CLPTM1L: variants seen among roughly 807,000 people sequenced by gnomAD.
CLPTM1L encodes the protein CLPTM1 like, also known as lipid scramblase CLPTM1L.
In CLPTM1L, 38 loss-of-function variants were observed where a neutral mutation model predicts 70.9. The observed-to-expected ratio is 0.54, with a 90% CI of 0.41 to 0.70. The LOEUF is 0.70. CLPTM1L is among the 30% of genes least tolerant of loss of function. The probability of loss-of-function intolerance (pLI) is 0.00; values close to 1 mark genes in which losing one functional copy is unlikely to be tolerated. For missense variants in CLPTM1L, 652 were observed against 705.9 expected, an observed-to-expected ratio of 0.92 and a Z score of 0.87; for synonymous variants, 339 against 299.9, an observed-to-expected ratio of 1.13 and a Z score of -1.35.
intron 9 of CLPTM1L, among the ~76,000 whole-genome samples, chr5:1,327,665 T>G (rs377499894): frequency 1.1e-5 from 1 of 95,042 alleles, no homozygotes; most frequent in Non-Finnish European, 2.2e-5. Context: ...CAGACACATT[T>G]CATCCAGCTC....
At chr5:1,332,177 T>C (rs1753138846) in intron 7 of CLPTM1L, 1 of 385,952 alleles carries the variant, frequency 2.6e-6, no homozygotes, top group Non-Finnish European at 4.8e-6. Context: ...CCCTGGATCA[T>C]GGGCCTGGCT....
rs961481027 is a variant in CLPTM1L, at chr5:1,322,790, T to C, written c.1315+87A>G. On this transcript the variant is annotated intron_variant, in intron 13 of 16. Transcript: ENST00000320895. ...GATTAGCCTCAAATCACAGGGGGGC[T>C]TGCCACACTGGGTTTCAATGCAAGA... 7 of 1,385,404 alleles carry C rather than the reference T, an allele frequency of 5.1e-6. 1 individual carries two copies. Among genetic ancestry groups the C allele is most frequent in the Admixed American group, 5.0e-5 (3 of 59,628 alleles). 85.8% of individuals were successfully genotyped at this position (1,385,404 alleles called of 1,614,324 possible). A position where few individuals can be genotyped will look rare whatever the true frequency, so the allele number is the denominator to read the frequency against.
intron 5 of CLPTM1L, among the ~76,000 whole-genome samples, chr5:1,335,773 C>T (rs1340404137): frequency 6.6e-6 from 1 of 152,202 alleles, no homozygotes; most frequent in Non-Finnish European, 1.5e-5. Context: ...CGCACACAGG[C>T]TGTGGGCCAG....
At chr5:1,339,327 C>G (rs569333904) in intron 3 of CLPTM1L, among the ~76,000 whole-genome samples, 149 of 144,138 alleles carry the variant, frequency 1.0e-3, no homozygotes, top group Non-Finnish European at 1.8e-3. Context: ...ACAGCAGGGT[C>G]AGCGCCCTAA....
intron 9 of CLPTM1L, among the ~76,000 whole-genome samples, chr5:1,328,861 C>T (rs1417720825): frequency 1.3e-5 from 2 of 151,964 alleles, no homozygotes; most frequent in South Asian, 2.1e-4. Flanking sequence ...ACATTTCATC[C>T]AGCTCCTCCT....
intron 5 of CLPTM1L, among the ~76,000 whole-genome samples, chr5:1,336,088 C>T (rs1753559919): frequency 6.6e-6 from 1 of 152,230 alleles, no homozygotes; most frequent in African/African-American, 2.4e-5. Flanking sequence ...CTGAGAGCGG[C>T]TGTCAGGGCG....
chr5:1,337,397 C>G (rs1579649878), intron 5 of CLPTM1L, among the ~76,000 whole-genome samples: 2 of 152,260 alleles, frequency 1.3e-5, no homozygotes, highest in Non-Finnish European at 2.9e-5. Flanking sequence ...CAGAGAGCAG[C>G]CACTTCTATT....
chr5:1,342,164 C>T lies in CLPTM1L; in HGVS notation c.264-304G>A, dbSNP rs1012556896. On this transcript the variant is annotated intron_variant, in intron 2 of 16. Transcript: ENST00000320895. This position sits in a 1 kb window ranked among gnomAD's most constrained non-coding sequence, Gnocchi z 4.3. ...TGAGAGGTCAATAACCCACCTGAGG[C>T]CACAAGGCTGAAGCAGCCAGATGGA... Among the ~76,000 whole-genome samples the T allele has an allele frequency of 6.6e-6, 1 of 152,116 alleles. No homozygotes were observed.
At chr5:1,319,828 G>A (rs1384486064) in intron 16 of CLPTM1L, among the ~76,000 whole-genome samples, 2 of 152,188 alleles carry the variant, frequency 1.3e-5, no homozygotes, top group Non-Finnish European at 2.9e-5. Context: ...CCTGGACAAG[G>A]CCCTGGGGCC....
chr5:1,335,022 G>T, intron 6 of CLPTM1L, 35 bp downstream of exon 6: 8 of 1,561,850 alleles, frequency 5.1e-6, no homozygotes, highest in South Asian at 1.1e-5. Flanking sequence ...CTCCAGGGCG[G>T]CCTCACCCAG....
At chr5:1,340,013 G>C (rs1007367700) in intron 3 of CLPTM1L, among the ~76,000 whole-genome samples, 6 of 152,218 alleles carry the variant, frequency 3.9e-5, no homozygotes, top group African/African-American at 1.4e-4. Flanking sequence ...CACAACCGGG[G>C]GAGAGCCCAG....
At chr5:1,324,609 G>A (rs1752399435) in intron 11 of CLPTM1L, among the ~76,000 whole-genome samples, 154 bp downstream of exon 11, 1 of 152,240 alleles carries the variant, frequency 6.6e-6, no homozygotes, top group South Asian at 2.1e-4. Context: ...TAAGAAATTT[G>A]GGTTTTATGT....
At chr5:1,337,190 C>T (rs1443738039) in intron 5 of CLPTM1L, among the ~76,000 whole-genome samples, 2 of 152,232 alleles carry the variant, frequency 1.3e-5, no homozygotes, top group Non-Finnish European at 2.9e-5. Flanking sequence ...AACAACGCCA[C>T]AGCTCCCAGC....
intron 13 of CLPTM1L, among the ~76,000 whole-genome samples, 184 bp from the exon 14 acceptor site, chr5:1,322,003 A>G (rs2126719986): frequency 6.6e-6 from 1 of 152,312 alleles, no homozygotes; most frequent in East Asian, 1.9e-4. Flanking sequence ...TCTGGCTGGT[A>G]AGTTTATCAA....
At chr5:1,338,432 G>T in intron 4 of CLPTM1L, 1 of 270,378 alleles carries the variant, frequency 3.7e-6, no homozygotes, top group Non-Finnish European at 7.1e-6. Context: ...CCAACACATG[G>T]GAGAGACGAG....
rs1579625577 is a variant in CLPTM1L, at chr5:1,326,022, G to A, written c.1081-206C>T. ...CACACACGGCAGGCGTACCTGGTCA[G>A]GTGGGCTGCACAGCCACCGCCCAGC... is the stretch of plus-strand genomic sequence containing the variant. On this transcript the variant is annotated intron_variant, in intron 9 of 16. Coordinates refer to ENST00000320895, the MANE Select transcript of CLPTM1L (RefSeq NM_030782.5). 8 of 568,462 alleles carry A rather than the reference G, an allele frequency of 1.4e-5. No homozygotes were observed. In the South Asian group the frequency reaches 1.9e-4, roughly 14 times the overall value. The allele number at this position is 568,462 out of a possible 1,614,324, so 35.2% of individuals were successfully genotyped here.
rs762456701 is a variant in CLPTM1L at position 1,334,308 on chromosome 5, A to G, written c.872T>C (p.Phe291Ser). The change falls in exon 7 of 17, where the codon TTC becomes TCC. Residue 291 changes from phenylalanine (F) to serine (S), a missense_variant. Coordinates refer to ENST00000320895, the MANE Select transcript of CLPTM1L (RefSeq NM_030782.5). ...ACTCACATGGAACGCTGCGACAAAGAAGGTCAGCGCCAGGAAGTATAAGTT... is the reference window on the plus strand; with the variant it reads ...ACTCACATGGAACGCTGCGACAAAGGAGGTCAGCGCCAGGAAGTATAAGTT... ...DTNLYFLALT[F>S]FVAAFHLLFD... 7.4e-6 allele frequency: 12 copies of G among 1,613,608 alleles called. No individual in the cohort carries two copies. Among genetic ancestry groups the G allele is most frequent in the Admixed American group, 3.3e-5 (2 of 59,982 alleles).
intron 4 of CLPTM1L, chr5:1,338,341 T>C: frequency 3.1e-6 from 1 of 324,696 alleles, no homozygotes; most frequent in South Asian, 3.9e-5. Context: ...TCCCAGGATG[T>C]GGCCACTACA....
In CLPTM1L at chr5:1,324,759, T is replaced by C; in HGVS notation, c.1197+4A>G. 6.2e-7 allele frequency: 1 copy of C among 1,613,982 alleles called. No individual in the cohort carries two copies. Among genetic ancestry groups the C allele is most frequent in the Non-Finnish European group, 8.5e-7 (1 of 1,179,800 alleles). The stretch of plus-strand genomic sequence containing the variant: ...GCACGTGCCCTGAATCACAAGTGAC[T>C]TACCTGAGTATCGTACTCCTCGGTT... On this transcript the variant is annotated splice_donor_region_variant and intron_variant, in intron 11 of 16. Transcript: ENST00000320895.
Sources: allele counts gnomAD v4.1 joint callset (sites outside exome capture counted in the v4.1 genomes callset), GRCh38; gene constraint gnomAD v4.1.1; non-coding constraint Gnocchi (gnomAD v3.1); transcripts MANE v1.5; gene names NCBI Gene and HGNC (gene_info 2026-07-23, HGNC 2026-07-21).